The following GULP1 variants were observed in gnomAD, a reference collection of about 807,000 sequenced individuals.
The protein encoded by GULP1 is GULP PTB domain containing engulfment adaptor 1.
Under a neutral mutation model 40.9 loss-of-function variants are expected in GULP1, and 19 were observed. The ratio of observed to expected loss-of-function variants is 0.46; its 90% CI spans 0.32 to 0.68. GULP1 has a LOEUF of 0.68. Ranked by LOEUF, GULP1 falls within the 30% of genes least tolerant of loss-of-function variation. The pLI is 0.03. For synonymous variants in GULP1, 119 were observed against 117.6 expected (o/e 1.01, Z -0.08); for missense variants, 312 against 362.2 (o/e 0.86, Z 1.12).
intron 1 of GULP1, among the ~76,000 whole-genome samples, chr2:188,357,436 T>C (rs1487274272): frequency 6.6e-6 from 1 of 152,142 alleles, no homozygotes; most frequent in Non-Finnish European, 1.5e-5. Flanking sequence ...TATCAGTAAG[T>C]ATATGAGAAA....
At chr2:188,443,697 T>A (rs1395881076) in intron 2 of GULP1, among the ~76,000 whole-genome samples, 2 of 151,462 alleles carry the variant, frequency 1.3e-5, no homozygotes, top group African/African-American at 2.4e-5. Context: ...TTTCTTTTTT[T>A]TTTTTTTGAG....
Position 188,356,071 on chromosome 2 carries a change from C to T in GULP1, c.-171-27692C>T, listed in dbSNP as rs187687980. On this transcript the variant is annotated intron_variant, in intron 1 of 11. Coordinates refer to ENST00000409830, the MANE Select transcript of GULP1 (RefSeq NM_016315.4). ...AAGCCATGTATGACAAACTCACAAT[C>T]ATATATGCCATACTGAATGTAGAAA... is the stretch of plus-strand genomic sequence containing the variant. Among the ~76,000 whole-genome samples, 177 of 152,122 alleles carry T rather than the reference C, an allele frequency of 1.2e-3. 1 individual carries two copies. The highest frequency in any genetic ancestry group is 2.2e-3 in the Non-Finnish European group (150 of 67,900).
At position 188,541,315 on chromosome 2, in the gene GULP1, G is replaced by C. The variant is rs199619350; in HGVS notation, c.396G>C (p.Lys132Asn). 1 of 1,612,994 alleles carries C rather than the reference G, an allele frequency of 6.2e-7. No homozygotes were observed. The highest frequency in any genetic ancestry group is 8.5e-7 in the Non-Finnish European group (1 of 1,179,172). The change falls in exon 7 of 12, where the codon AAG becomes AAC. Residue 132 changes from lysine to asparagine, a missense_variant. Physicochemically the swap from Lys to Asn is moderately conservative, Grantham distance 94. Coordinates refer to ENST00000409830, the MANE Select transcript of GULP1 (RefSeq NM_016315.4). Reference protein sequence around the residue: ...KHLCYVFDSEKCAEEITLTIG... With the variant: ...KHLCYVFDSENCAEEITLTIG... ...TGTGCTATGTATTTGACAGCGAAAA[G>C]TGTGTAAGTATCCCAGATGTTGTAG...
chr2:188,381,163 T>G (rs1247274179), intron 1 of GULP1, among the ~76,000 whole-genome samples: 1 of 152,146 alleles, frequency 6.6e-6, no homozygotes, highest in Non-Finnish European at 1.5e-5. Flanking sequence ...CAAAGTGCTC[T>G]TTCTATGAAA....
At chr2:188,447,125 T>A in intron 2 of GULP1, among the ~76,000 whole-genome samples, 1 of 152,124 alleles carries the variant, frequency 6.6e-6, no homozygotes, top group East Asian at 1.9e-4. Flanking sequence ...ATATTGGCAA[T>A]TGGTTGAAAG....
At chr2:188,568,033 T>G (rs1219862259) in intron 7 of GULP1, among the ~76,000 whole-genome samples, 1 of 152,154 alleles carries the variant, frequency 6.6e-6, no homozygotes, top group African/African-American at 2.4e-5. Context: ...TTTTTTCTTT[T>G]CTTTTGTAAA....
chr2:188,398,959 T>A (rs2051691058), intron 2 of GULP1, among the ~76,000 whole-genome samples: 1 of 152,330 alleles, frequency 6.6e-6, no homozygotes, highest in Admixed American at 6.5e-5. Flanking sequence ...AAATCATGAA[T>A]TTTAAATTGC....
intron 4 of GULP1, among the ~76,000 whole-genome samples, chr2:188,516,263 C>A (rs1197501061): frequency 2.0e-5 from 3 of 152,132 alleles, no homozygotes; most frequent in African/African-American, 7.2e-5. Flanking sequence ...TCCTCATAGC[C>A]TGGAAACTTG....
intron 2 of GULP1, among the ~76,000 whole-genome samples, chr2:188,435,014 T>C (rs2057274858): frequency 6.6e-6 from 1 of 152,020 alleles, no homozygotes; most frequent in African/African-American, 2.4e-5. Flanking sequence ...ACAATATCTT[T>C]TCTATATTTA....
intron 2 of GULP1, among the ~76,000 whole-genome samples, chr2:188,467,132 G>A (rs2060194412): frequency 6.6e-6 from 1 of 152,086 alleles, no homozygotes; most frequent in Non-Finnish European, 1.5e-5. Context: ...AAAGCTTGTG[G>A]CAAAAGTTAA....
At chr2:188,574,861 G>C (rs1699855712) in intron 9 of GULP1, among the ~76,000 whole-genome samples, 1 of 151,992 alleles carries the variant, frequency 6.6e-6, no homozygotes, top group Non-Finnish European at 1.5e-5. Context: ...TAAAATGTGA[G>C]GCCCAATGCA....
At chr2:188,415,725 A>G (rs2054493494) in intron 2 of GULP1, among the ~76,000 whole-genome samples, 7 of 152,190 alleles carry the variant, frequency 4.6e-5, no homozygotes, top group Admixed American at 4.6e-4. Context: ...TTATAGGATT[A>G]AAAGCACAAG....
intron 7 of GULP1, among the ~76,000 whole-genome samples, chr2:188,553,393 C>T (rs1455943784): frequency 6.6e-6 from 1 of 152,030 alleles, no homozygotes; most frequent in Non-Finnish European, 1.5e-5. Context: ...TGAACTTTAT[C>T]AAATTCTTTT....
chr2:188,477,574 G>T (rs2061113958), intron 2 of GULP1, 85 bp from the exon 3 acceptor site: 2 of 675,862 alleles, frequency 3.0e-6, no homozygotes, highest in Admixed American at 6.0e-5. Flanking sequence ...AATTTAAAAA[G>T]CCTTTATAAT....
intron 2 of GULP1, among the ~76,000 whole-genome samples, chr2:188,475,793 A>G (rs1369664602): frequency 6.6e-6 from 1 of 152,146 alleles, no homozygotes; most frequent in Non-Finnish European, 1.5e-5. Context: ...TTTTGAAATG[A>G]TACCAAATAT....
At chr2:188,340,745 G>A (rs955725354) in intron 1 of GULP1, among the ~76,000 whole-genome samples, 2 of 152,084 alleles carry the variant, frequency 1.3e-5, no homozygotes. Flanking sequence ...AAATCAGATC[G>A]CACAAACGAA....
At chr2:188,422,205 TCTC>T (rs541635922) in intron 2 of GULP1, among the ~76,000 whole-genome samples, 276 of 151,598 alleles carry the variant, frequency 1.8e-3, no homozygotes, top group African/African-American at 6.4e-3. Context: ...AGCTCAAAAT[TCTC>T]CTAATTTTTT....
rs535753794 is a variant in GULP1 at position 188,594,463 on chromosome 2, A to G, written c.*452A>G. The G allele has an allele frequency of 1.3e-4, 20 of 153,360 alleles. No homozygotes were observed. The highest frequency in any genetic ancestry group is 2.2e-4 in the Non-Finnish European group (15 of 68,650). The allele number at this position is 153,360 out of a possible 1,614,324, so 9.5% of individuals were successfully genotyped here. A position where few individuals can be genotyped will look rare whatever the true frequency, so the allele number is the denominator to read the frequency against. On this transcript the variant is annotated 3_prime_UTR_variant, in exon 12 of 12. Transcript: ENST00000409830. ...TTTTTAAACCAACAAACATGTTACT[A>G]TTCATTGGACAGATATCATTTTATG...
chr2:188,521,755 C>A (rs536726420), intron 4 of GULP1, among the ~76,000 whole-genome samples: 3 of 152,276 alleles, frequency 2.0e-5, no homozygotes, highest in East Asian at 3.9e-4. Flanking sequence ...AACCATATCA[C>A]TTACTGACTA....
Sources: allele counts gnomAD v4.1 joint callset (sites outside exome capture counted in the v4.1 genomes callset), GRCh38; gene constraint gnomAD v4.1.1; transcripts MANE v1.5; gene names NCBI Gene and HGNC (gene_info 2026-07-23, HGNC 2026-07-21).